Variants in INPP4B observed in about 807,000 individuals in gnomAD.
INPP4B encodes the protein inositol polyphosphate-4-phosphatase type II B, also known as inositol polyphosphate 4-phosphatase type II.
A neutral mutation model predicts 122.5 loss-of-function variants in INPP4B; 55 were observed. That is an observed-to-expected ratio of 0.45 (90% CI 0.36 to 0.56). The LOEUF (loss-of-function observed/expected upper bound fraction) is 0.56, where lower values mean the gene tolerates loss of function less well. INPP4B is among the 20% of genes least tolerant of loss of function. The pLI is 0.00. For synonymous variants in INPP4B, 403 were observed against 388.7 expected (o/e 1.04, Z -0.43); for missense variants, 1,000 against 1,097.7 (o/e 0.91, Z 1.26).
intron 9 of INPP4B, among the ~76,000 whole-genome samples, chr4:142,275,352 G>C (rs143537635): frequency 1.4e-3 from 218 of 151,908 alleles, no homozygotes; most frequent in Non-Finnish European, 2.8e-3. Flanking sequence ...AAATGACTCT[G>C]TAAACACCTA....
intron 7 of INPP4B, among the ~76,000 whole-genome samples, chr4:142,347,029 T>C (rs1366479961): frequency 1.3e-5 from 2 of 152,080 alleles, no homozygotes; most frequent in Non-Finnish European, 2.9e-5. Context: ...TCCTTCCTTA[T>C]AAGAATGTTG....
At chr4:142,544,763 G>C (rs984213002) in intron 2 of INPP4B, among the ~76,000 whole-genome samples, 1 of 152,130 alleles carries the variant, frequency 6.6e-6, no homozygotes, top group African/African-American at 2.4e-5. Flanking sequence ...GCCTGCCAGA[G>C]GAGGGGACTA....
chr4:142,502,589 A>G (rs1823524223), intron 2 of INPP4B, among the ~76,000 whole-genome samples: 2 of 152,074 alleles, frequency 1.3e-5, no homozygotes, highest in Admixed American at 1.3e-4. Context: ...CCTGGGTTCA[A>G]GAGATTCTCC....
intron 2 of INPP4B, among the ~76,000 whole-genome samples, chr4:142,639,163 C>T (rs1189293549): frequency 6.6e-6 from 1 of 152,014 alleles, no homozygotes; most frequent in African/African-American, 2.4e-5. Context: ...TTATACATTA[C>T]TGGATTTGAT....
chr4:142,490,684 T>C (rs1311165106), intron 2 of INPP4B, among the ~76,000 whole-genome samples: 1 of 152,148 alleles, frequency 6.6e-6, no homozygotes, highest in Admixed American at 6.6e-5. Context: ...TTTGTATCCT[T>C]GGACCAACAT....
At chr4:142,351,209 T>C (rs553409757) in intron 7 of INPP4B, among the ~76,000 whole-genome samples, 18 of 152,106 alleles carry the variant, frequency 1.2e-4, no homozygotes, top group African/African-American at 3.6e-4. Context: ...AAGTTCACCA[T>C]TAGTGGGATA....
intron 11 of INPP4B, among the ~76,000 whole-genome samples, chr4:142,259,988 T>G (rs1216116831): frequency 6.6e-6 from 1 of 151,686 alleles, no homozygotes; most frequent in African/African-American, 2.4e-5. Context: ...ATTTGTTTTT[T>G]GTTCATTTGT....
intron 25 of INPP4B, among the ~76,000 whole-genome samples, chr4:142,073,721 G>A (rs1349053492): frequency 2.0e-5 from 3 of 152,062 alleles, no homozygotes; most frequent in Admixed American, 2.0e-4. Context: ...AAATCATTAG[G>A]CAGTGAAATG....
At position 142,237,792 on chromosome 4, in the gene INPP4B, T is replaced by C. The variant is rs1857316222; in HGVS notation, c.836+72A>G. 7 of 867,046 alleles carry C rather than the reference T, an allele frequency of 8.1e-6. No homozygotes were observed. In the South Asian group the frequency reaches 1.4e-4, roughly 18 times the overall value. The allele number at this position is 867,046 out of a possible 1,614,324, so 53.7% of individuals were successfully genotyped here. ...TTCAAAATGTTGCACAGATTATATATAATTTGTCAATTAAAAATTTTTAAA... is the reference window on the plus strand; with the variant it reads ...TTCAAAATGTTGCACAGATTATATACAATTTGTCAATTAAAAATTTTTAAA... On this transcript the variant is annotated intron_variant, in intron 12 of 25. Coordinates refer to ENST00000262992, the MANE Select transcript of INPP4B (RefSeq NM_001101669.3).
intron 3 of INPP4B, among the ~76,000 whole-genome samples, chr4:142,443,677 G>C (rs1462065570): frequency 6.6e-6 from 1 of 152,070 alleles, no homozygotes; most frequent in African/African-American, 2.4e-5. Flanking sequence ...CCCACCAGAG[G>C]GGGCATGCAA....
At chr4:142,740,982 A>C (rs1298809895) in intron 1 of INPP4B, among the ~76,000 whole-genome samples, 1 of 152,010 alleles carries the variant, frequency 6.6e-6, no homozygotes, top group Non-Finnish European at 1.5e-5. Flanking sequence ...AAATTACACA[A>C]CCTACCCAAA....
intron 12 of INPP4B, 31 bp downstream of exon 12, chr4:142,237,833 A>C: frequency 7.6e-7 from 1 of 1,318,582 alleles, no homozygotes; most frequent in Non-Finnish European, 1.1e-6. Flanking sequence ...TAAAATAATT[A>C]ATATGAGAGA....
At chr4:142,536,899 C>A (rs770834032) in intron 2 of INPP4B, among the ~76,000 whole-genome samples, 1 of 152,090 alleles carries the variant, frequency 6.6e-6, no homozygotes, top group South Asian at 2.1e-4. Flanking sequence ...CGGGTTCAAG[C>A]GATTCTTCTG....
intron 16 of INPP4B, among the ~76,000 whole-genome samples, chr4:142,162,992 A>T (rs1299288949): frequency 2.0e-5 from 3 of 151,668 alleles, no homozygotes; most frequent in Non-Finnish European, 4.4e-5. Context: ...AAAAAATTTA[A>T]TTTTTTTTGA....
chr4:142,205,203 G>T (rs988236503), intron 14 of INPP4B, among the ~76,000 whole-genome samples: 1 of 151,930 alleles, frequency 6.6e-6, no homozygotes, highest in Non-Finnish European at 1.5e-5. Context: ...TGCCACTTTG[G>T]TCATAGTTTC....
intron 1 of INPP4B, among the ~76,000 whole-genome samples, chr4:142,742,871 G>T (rs1768107494): frequency 1.3e-5 from 2 of 151,912 alleles, no homozygotes; most frequent in African/African-American, 4.8e-5. Flanking sequence ...AAAGAGGGAG[G>T]TGATAAAATT....
chr4:142,114,727 T>G (rs546055062), intron 21 of INPP4B, among the ~76,000 whole-genome samples: 3 of 152,188 alleles, frequency 2.0e-5, no homozygotes, highest in East Asian at 3.9e-4. Flanking sequence ...TCTTTTTACT[T>G]ACTTAATGGT....
intron 1 of INPP4B, among the ~76,000 whole-genome samples, chr4:142,749,286 TATATATATAAAAC>T (rs1354235527): frequency 1.4e-5 from 2 of 147,160 alleles, no homozygotes; most frequent in Non-Finnish European, 3.0e-5. Context: ...TGTCTTACCA[TATATATATAAAAC>T]ATATATATGT....
chr4:142,371,241 A>T (rs185157102), intron 7 of INPP4B, among the ~76,000 whole-genome samples: 17 of 152,178 alleles, frequency 1.1e-4, no homozygotes. Context: ...ATGAAACTAG[A>T]CCCCAATCTC....
Sources: gnomAD v4.1 joint callset for allele counts (sites outside exome capture counted in the v4.1 genomes callset) on GRCh38, gnomAD v4.1.1 for gene constraint, MANE v1.5 for transcripts, NCBI Gene and HGNC (gene_info 2026-07-23, HGNC 2026-07-21) for gene names.